Variants in TAF1D observed in about 807,000 individuals in gnomAD.
TAF1D encodes the protein TATA box-binding protein-associated factor RNA polymerase I subunit D.
In TAF1D, 23 loss-of-function variants were observed where a neutral mutation model predicts 26.2. That is an observed-to-expected ratio of 0.88 (90% confidence interval 0.63 to 1.25). The LOEUF (loss-of-function observed/expected upper bound fraction) is 1.25, where lower values mean the gene tolerates loss of function less well. TAF1D is among the 50% of genes most tolerant of loss of function. TAF1D has a pLI of 0.00. For missense variants in TAF1D, 299 were observed against 322.0 expected (o/e 0.93, Z 0.55); for synonymous variants, 100 against 105.6 (o/e 0.95, Z 0.33).
rs1565241484 is a variant in TAF1D, at chr11:93,735,681, TTAAAGA to T, written c.*474_*479del. 9.9e-7 allele frequency: 1 copy of T among 1,007,020 alleles called. No individual in the cohort carries two copies. The highest frequency in any genetic ancestry group is 1.7e-5 in the African/African-American group (1 of 57,272). The allele number at this position is 1,007,020 out of a possible 1,614,324, so 62.4% of individuals were successfully genotyped here. A position where few individuals can be genotyped will look rare whatever the true frequency, so the allele number is the denominator to read the frequency against. On this transcript the variant is annotated 3_prime_UTR_variant, in exon 6 of 6. Transcript: ENST00000448108. ...GAGACTCTGTCTAAAAAAAATAGTA[TTAAAGA>T]TACTCTAAATTTGGAAAGGGAAATG... is the stretch of plus-strand genomic sequence containing the variant.
At chr11:93,735,078 A>G, downstream of TAF1D, 1 of 1,312,582 alleles carries the variant, frequency 7.6e-7, no homozygotes, top group South Asian at 1.2e-5. Flanking sequence ...ATGGCTATCA[A>G]TACTCCCATC....
chr11:93,730,710 G>T (rs1432694387), downstream of TAF1D: 5 of 512,264 alleles, frequency 9.8e-6, no homozygotes, highest in African/African-American at 1.9e-5. Flanking sequence ...TGTCCTGTCA[G>T]CCCTACATAA....
intron 1 of TAF1D, among the ~76,000 whole-genome samples, chr11:93,740,525 A>T (rs994955373): frequency 1.3e-5 from 2 of 150,216 alleles, no homozygotes; most frequent in Admixed American, 1.3e-4. Flanking sequence ...TGCCTTAGTC[A>T]ATCTCTTGTC....
chr11:93,736,187 T>C lies in TAF1D; in HGVS notation c.811A>G (p.Thr271Ala), dbSNP rs1435554055. The change falls in exon 6 of 6, where the codon ACT (threonine) becomes GCT (alanine). Residue 271 changes from threonine (T) to alanine (A), a missense_variant. Thr to Ala is a moderately conservative substitution (Grantham distance 58, BLOSUM62 0). Coordinates refer to ENST00000448108, the MANE Select transcript of TAF1D (RefSeq NM_024116.4). ...CACATTTTCAGGCCTCTCTGTCCAG[T>C]ATTTTTGGCTTTTGTAGCTCTCTTT... ...SKKRATKAKN[T>A]GQRGLKM is the part of the protein sequence containing the mutation. 6.2e-7 allele frequency: 1 copy of C among 1,613,630 alleles called. No homozygotes were observed. The highest frequency in any genetic ancestry group is 1.7e-5 in the Admixed American group (1 of 59,984).
chr11:93,734,823 T>A, downstream of TAF1D: 1 of 1,104,390 alleles, frequency 9.1e-7, no homozygotes, highest in Non-Finnish European at 1.2e-6. Context: ...TTACTCAGGC[T>A]GGAGTACAGT....
rs1426845116 is a variant in TAF1D at position 93,741,397 on chromosome 11, G to A, written c.-103C>T. On this transcript the variant is annotated 5_prime_UTR_variant, in exon 1 of 6. Transcript: ENST00000448108. ...AGGCCTCGGCCCAAAACCCGCGACT[G>A]GCCTGGTGTCCTAGAGCTCTGTACA... 6.1e-6 allele frequency: 2 copies of A among 326,676 alleles called. No homozygotes were observed. Among genetic ancestry groups the A allele is most frequent in the Admixed American group, 6.9e-5 (2 of 29,012 alleles). The allele number at this position is 326,676 out of a possible 1,614,324, so 20.2% of individuals were successfully genotyped here.
At position 93,737,235 on chromosome 11, in the gene TAF1D, G is replaced by A; in HGVS notation, c.464C>T (p.Ala155Val). 6.3e-7 allele frequency: 1 copy of A among 1,598,098 alleles called. No individual in the cohort carries two copies. Among genetic ancestry groups the A allele is most frequent in the African/African-American group, 1.3e-5 (1 of 74,120 alleles). Residue 155 changes from alanine (A) to valine (V), a missense_variant, in exon 4 of 6, where the codon GCT becomes GTT. Ala to Val is a moderately conservative substitution (Grantham distance 64). Transcript: ENST00000448108. ...ATAGTTAAAAAATCCTCTTGCAACA[G>A]CTTGCTATATATTAAAAACACCATA... Reference protein sequence around the residue: ...PWRKILTFEQAVARGFFNYIE... With the variant: ...PWRKILTFEQVVARGFFNYIE...
chr11:93,734,507 A>C, downstream of TAF1D: 1 of 413,546 alleles, frequency 2.4e-6, no homozygotes, highest in Non-Finnish European at 4.7e-6. Context: ...AGAAATCAGT[A>C]TAAATGGGAA....
At chr11:93,737,669 T>C (rs1941074769) in intron 3 of TAF1D, among the ~76,000 whole-genome samples, 1 of 152,240 alleles carries the variant, frequency 6.6e-6, no homozygotes, top group Non-Finnish European at 1.5e-5. Flanking sequence ...TAAAAAAGTC[T>C]ACTCCTAAGT....
chr11:93,737,329 A>C, intron 3 of TAF1D, 90 bp from the exon 4 acceptor site: 1 of 829,096 alleles, frequency 1.2e-6, no homozygotes, highest in Non-Finnish European at 1.8e-6. Context: ...GCCCCCCCTT[A>C]GCAAAGACTC....
chr11:93,733,422 G>T, downstream of TAF1D: 1 of 518,554 alleles, frequency 1.9e-6, no homozygotes. Context: ...TAGATTATCT[G>T]GTTTTTCATA....
At chr11:93,739,465 A>G (rs1941361196) in intron 1 of TAF1D, 134 bp from the exon 2 acceptor site, 1 of 538,778 alleles carries the variant, frequency 1.9e-6, no homozygotes, top group African/African-American at 1.9e-5. Context: ...CTTCTTATCC[A>G]TTTCAGATCA....
chr11:93,735,367 T>A, downstream of TAF1D: 1 of 1,062,880 alleles, frequency 9.4e-7, no homozygotes, highest in Non-Finnish European at 1.2e-6. Context: ...CTTGAACTAA[T>A]AAAAAGTGAA....
downstream of TAF1D, chr11:93,731,568 A>G (rs765191645): frequency 1.9e-6 from 1 of 518,940 alleles, no homozygotes; most frequent in East Asian, 5.5e-5. Flanking sequence ...CCATCATCAT[A>G]ACATCGTTAA....
chr11:93,737,297 G>A (rs1017653924), intron 3 of TAF1D, 58 bp from the exon 4 acceptor site: 13 of 1,314,464 alleles, frequency 9.9e-6, no homozygotes, highest in South Asian at 1.6e-5. Flanking sequence ...CCCAGCAGGT[G>A]CCTATGTTCA....
rs779038029 is a variant in TAF1D, at chr11:93,736,132, A to G, written c.*29T>C. On this transcript the variant is annotated 3_prime_UTR_variant, in exon 6 of 6. Coordinates refer to ENST00000448108, the MANE Select transcript of TAF1D (RefSeq NM_024116.4). ...ATTTCTATGAAGTCGTTTTTTCTAT[A>G]TGCTTCACCTTTGACATTCATGATC... The G allele has an allele frequency of 2.5e-6, 4 of 1,610,958 alleles. No individual in the cohort carries two copies. The highest frequency in any genetic ancestry group is 3.4e-6 in the Non-Finnish European group (4 of 1,178,952).
At chr11:93,733,538 A>G (rs554541876), downstream of TAF1D, 8 of 519,022 alleles carry the variant, frequency 1.5e-5, no homozygotes, top group South Asian at 1.1e-4. Context: ...GAGTTACTCT[A>G]TGAGGCGTTT....
In TAF1D at chr11:93,737,363, C is replaced by T. The variant is rs72974689; in HGVS notation, c.460-124G>A. On this transcript the variant is annotated intron_variant, in intron 3 of 5. Transcript: ENST00000448108. ...TCTGAATTTGCTATCTTAACTACTC[C>T]CCACTTGTGGACTTATCAAATGCTG... 3.2e-3 allele frequency: 1,875 copies of T among 589,542 alleles called. 4 individuals are homozygous for T. The highest frequency in any genetic ancestry group is 4.4e-3 in the Non-Finnish European group (1,510 of 341,408). The allele number at this position is 589,542 out of a possible 1,614,324, so 36.5% of individuals were successfully genotyped here. A position where few individuals can be genotyped will look rare whatever the true frequency, so the allele number is the denominator to read the frequency against.
intron 4 of TAF1D, 23 bp downstream of exon 4, chr11:93,737,041 G>A (rs943434208): frequency 6.5e-7 from 1 of 1,546,856 alleles, no homozygotes; most frequent in South Asian, 1.3e-5. Context: ...TATTACCAAA[G>A]TATTTCATAT....
Sources: allele counts gnomAD v4.1 joint callset (sites outside exome capture counted in the v4.1 genomes callset), GRCh38; gene constraint gnomAD v4.1.1; transcripts MANE v1.5; gene names NCBI Gene and HGNC (gene_info 2026-07-23, HGNC 2026-07-21).